The following KIF16B variants were observed in gnomAD, a reference collection of about 807,000 sequenced individuals.
KIF16B encodes the protein kinesin-like protein KIF16B.
A neutral mutation model predicts 156.3 loss-of-function variants in KIF16B; 98 were observed. The observed-to-expected ratio is 0.63, with a 90% CI of 0.53 to 0.74. The LOEUF (loss-of-function observed/expected upper bound fraction) is 0.74, where lower values mean the gene tolerates loss of function less well. Ranked by LOEUF, KIF16B falls within the 30% of genes least tolerant of loss-of-function variation. KIF16B has a pLI of 0.00. For missense variants in KIF16B, 1,421 were observed against 1,606.5 expected (o/e 0.88, Z 1.97); for synonymous variants, 564 against 583.7 (o/e 0.97, Z 0.49).
chr20:16,460,304 G>A (rs1393101731), intron 12 of KIF16B, among the ~76,000 whole-genome samples: 3 of 152,178 alleles, frequency 2.0e-5, no homozygotes, highest in Admixed American at 2.0e-4. Context: ...ACCCTGGCTG[G>A]GCACAGTGGC....
chr20:16,564,723 C>T (rs35610860), intron 1 of KIF16B, among the ~76,000 whole-genome samples: 21,629 of 151,744 alleles, frequency 0.14, 1,563 homozygotes, highest in South Asian at 0.17. Context: ...CTTAGATGAA[C>T]GGAAATGAGG....
At chr20:16,367,842 T>A (rs1320880917) in intron 22 of KIF16B, 1 of 1,603,738 alleles carries the variant, frequency 6.2e-7, no homozygotes, top group East Asian at 2.2e-5. Context: ...GAGAGAGGTA[T>A]TTGTTGTAAC....
intron 18 of KIF16B, among the ~76,000 whole-genome samples, chr20:16,380,752 C>T (rs1256918942): frequency 6.6e-6 from 1 of 152,190 alleles, no homozygotes; most frequent in Non-Finnish European, 1.5e-5. Context: ...CTGGAGCCTC[C>T]ATTGGAATAT....
At chr20:16,329,131 T>C (rs1388042649) in intron 24 of KIF16B, among the ~76,000 whole-genome samples, 2 of 152,198 alleles carry the variant, frequency 1.3e-5, no homozygotes, top group African/African-American at 4.8e-5. Context: ...TCCAACTTTA[T>C]TAAAATACCA....
intron 17 of KIF16B, chr20:16,382,144 G>A (rs2065112048): frequency 1.5e-6 from 2 of 1,331,924 alleles, no homozygotes; most frequent in South Asian, 1.2e-5. Flanking sequence ...CCAGGGAGGT[G>A]GAGAGAGAGA....
At chr20:16,558,337 C>A (rs1290735003) in intron 1 of KIF16B, among the ~76,000 whole-genome samples, 1 of 152,230 alleles carries the variant, frequency 6.6e-6, no homozygotes, top group Non-Finnish European at 1.5e-5. Flanking sequence ...GCCTTCCCTG[C>A]ATCCGGCGTG....
intron 1 of KIF16B, among the ~76,000 whole-genome samples, chr20:16,553,485 G>C (rs752386578): frequency 4.6e-5 from 7 of 152,170 alleles, no homozygotes; most frequent in Non-Finnish European, 7.3e-5. Flanking sequence ...CTTTTATTGA[G>C]CCCAATGGAG....
intron 12 of KIF16B, among the ~76,000 whole-genome samples, chr20:16,455,547 A>G (rs2067190828): frequency 6.6e-6 from 1 of 152,172 alleles, no homozygotes; most frequent in Admixed American, 6.5e-5. Context: ...TCATTGACTC[A>G]GGCAAGAATT....
chr20:16,402,002 T>C (rs1194254462), intron 17 of KIF16B, among the ~76,000 whole-genome samples: 2 of 152,142 alleles, frequency 1.3e-5, no homozygotes, highest in Non-Finnish European at 2.9e-5. Flanking sequence ...CCCCTTCCAA[T>C]TGCCAGCACG....
At chr20:16,490,786 G>A (rs560412176) in intron 12 of KIF16B, among the ~76,000 whole-genome samples, 15 of 152,120 alleles carry the variant, frequency 9.9e-5, no homozygotes, top group Non-Finnish European at 2.1e-4. Flanking sequence ...GTGGTATTTT[G>A]TTTTGGCAGC....
chr20:16,448,328 A>G (rs1401205504), intron 12 of KIF16B, among the ~76,000 whole-genome samples: 1 of 152,238 alleles, frequency 6.6e-6, no homozygotes, highest in Non-Finnish European at 1.5e-5. Flanking sequence ...AGATGCTTCC[A>G]CGTATTATGG....
At chr20:16,356,960 C>G (rs2064455315) in intron 22 of KIF16B, among the ~76,000 whole-genome samples, 1 of 152,168 alleles carries the variant, frequency 6.6e-6, no homozygotes, top group African/African-American at 2.4e-5. Context: ...CTTTAAACCA[C>G]AATTAAAACA....
intron 12 of KIF16B, among the ~76,000 whole-genome samples, chr20:16,488,920 G>C (rs1288721228): frequency 6.6e-6 from 1 of 152,232 alleles, no homozygotes; most frequent in Non-Finnish European, 1.5e-5. Context: ...TCCAGAGCCT[G>C]CATGTGGAAC....
intron 11 of KIF16B, among the ~76,000 whole-genome samples, chr20:16,495,744 C>T (rs918166936): frequency 1.3e-5 from 2 of 152,012 alleles, no homozygotes; most frequent in African/African-American, 2.4e-5. Context: ...GGTTGGAGTG[C>T]GGTGGCGTAA....
chr20:16,434,194 T>C (rs1181669180), intron 12 of KIF16B, among the ~76,000 whole-genome samples: 1 of 152,244 alleles, frequency 6.6e-6, no homozygotes, highest in Non-Finnish European at 1.5e-5. Context: ...TCTATTCAGG[T>C]GAAATCCATC....
At chr20:16,402,125 C>T (rs1433135742) in intron 17 of KIF16B, among the ~76,000 whole-genome samples, 1 of 152,092 alleles carries the variant, frequency 6.6e-6, no homozygotes, top group East Asian at 1.9e-4. Flanking sequence ...TTGATGCCAT[C>T]ACACTTGCTT....
intron 4 of KIF16B, among the ~76,000 whole-genome samples, chr20:16,514,435 G>A (rs1453128958): frequency 1.3e-5 from 2 of 151,846 alleles, no homozygotes; most frequent in South Asian, 2.1e-4. Flanking sequence ...TCTAACACAC[G>A]ACTTCCATGA....
At chr20:16,430,738 C>A (rs948377164) in intron 12 of KIF16B, among the ~76,000 whole-genome samples, 1 of 151,956 alleles carries the variant, frequency 6.6e-6, no homozygotes, top group African/African-American at 2.4e-5. Flanking sequence ...CTTGACTTGA[C>A]CTGCCATCTA....
intron 12 of KIF16B, among the ~76,000 whole-genome samples, chr20:16,443,569 A>G (rs771744793): frequency 6.6e-6 from 1 of 152,202 alleles, no homozygotes; most frequent in Non-Finnish European, 1.5e-5. Context: ...GCCTGGATAT[A>G]AATGTGTATC....
Sources: allele counts gnomAD v4.1 joint callset (sites outside exome capture counted in the v4.1 genomes callset), GRCh38; gene constraint gnomAD v4.1.1; transcripts MANE v1.5; gene names NCBI Gene and HGNC (gene_info 2026-07-23, HGNC 2026-07-21).